Variants in KCNAB1 observed in about 807,000 individuals in gnomAD.
KCNAB1 encodes voltage-gated potassium channel subunit beta-1.
In KCNAB1, 35 loss-of-function variants were observed where a neutral mutation model predicts 64.6. The observed-to-expected ratio is 0.54, with a 90% CI of 0.41 to 0.72. The LOEUF (loss-of-function observed/expected upper bound fraction) is 0.72. Among genes scored for constraint, KCNAB1 ranks in the 30% least tolerant of loss-of-function variants. The probability of loss-of-function intolerance (pLI) is 0.00; values close to 1 mark genes in which losing one functional copy is unlikely to be tolerated. For missense variants in KCNAB1, 401 were observed against 512.9 expected (o/e 0.78, Z 2.11); for synonymous variants, 177 against 183.8 (o/e 0.96, Z 0.30).
intron 8 of KCNAB1, among the ~76,000 whole-genome samples, chr3:156,494,373 T>C (rs1395162865): frequency 6.6e-6 from 1 of 152,124 alleles, no homozygotes; most frequent in Non-Finnish European, 1.5e-5. Context: ...GGGCTGCCAG[T>C]GTTTCCCTAG....
intron 1 of KCNAB1, among the ~76,000 whole-genome samples, chr3:156,357,159 G>GCACACACACACACA (rs112441885): frequency 1.4e-5 from 2 of 147,314 alleles, no homozygotes; most frequent in African/African-American, 5.0e-5. Flanking sequence ...ACATGTGCGC[G>GCACACACACACACA]CACACACACA....
intron 2 of KCNAB1, among the ~76,000 whole-genome samples, chr3:156,428,488 T>TATACAC: frequency 7.8e-6 from 1 of 127,486 alleles, no homozygotes; most frequent in East Asian, 2.2e-4. Context: ...AATTCCTCTA[T>TATACAC]ACACACACAC....
chr3:156,299,641 A>G (rs1350492254), intron 1 of KCNAB1, among the ~76,000 whole-genome samples: 1 of 152,032 alleles, frequency 6.6e-6, no homozygotes, highest in Non-Finnish European at 1.5e-5. Context: ...TCGAAATCAA[A>G]CACATTTAAA....
chr3:156,426,721 A>G (rs958045431), intron 2 of KCNAB1, among the ~76,000 whole-genome samples: 2 of 152,210 alleles, frequency 1.3e-5, no homozygotes, highest in African/African-American at 4.8e-5. Context: ...TAGTTGAATC[A>G]TATAGTATGT....
intron 8 of KCNAB1, among the ~76,000 whole-genome samples, chr3:156,498,891 G>A (rs1716190802): frequency 6.6e-6 from 1 of 152,200 alleles, no homozygotes; most frequent in Non-Finnish European, 1.5e-5. Context: ...CAGGGGATAA[G>A]CATGGCTTTT....
Position 156,370,881 on chromosome 3 carries a change from C to T in KCNAB1, c.276-50735C>T, listed in dbSNP as rs565635978. Reference sequence around the variant, plus strand: ...CTTACACATGGAAACGATCCAGTGGCGGCAGGCGGCACAGGAAAACTGCAA... The same window carrying T: ...CTTACACATGGAAACGATCCAGTGGTGGCAGGCGGCACAGGAAAACTGCAA... On this transcript the variant is annotated intron_variant, in intron 1 of 13. Transcript: ENST00000490337. Among the ~76,000 whole-genome samples, 11 of 152,292 alleles carry T rather than the reference C, an allele frequency of 7.2e-5. No homozygotes were observed. The South Asian group carries it at 1.0e-3, about 14-fold the overall frequency.
intron 1 of KCNAB1, among the ~76,000 whole-genome samples, chr3:156,318,572 T>G (rs1269520447): frequency 6.6e-6 from 1 of 152,174 alleles, no homozygotes; most frequent in East Asian, 1.9e-4. Flanking sequence ...TCTGTTTGTT[T>G]GTAAGTGTGA....
intron 1 of KCNAB1, among the ~76,000 whole-genome samples, chr3:156,374,801 G>A (rs73873344): frequency 0.042 from 5,689 of 134,898 alleles, 1,923 homozygotes; most frequent in African/African-American, 0.18. Context: ...TAGGAAAGTA[G>A]GTATTAACAA....
chr3:156,365,721 G>C (rs901077326), intron 1 of KCNAB1, among the ~76,000 whole-genome samples: 16 of 152,078 alleles, frequency 1.1e-4, no homozygotes, highest in African/African-American at 3.6e-4. Flanking sequence ...TTGAATTTTT[G>C]CTTGCTATTG....
At position 156,145,789 on chromosome 3, in the gene KCNAB1, G is replaced by A. The variant is rs544392471; in HGVS notation, c.275+24903G>A. Among the ~76,000 whole-genome samples, 13 of 152,276 alleles carry A rather than the reference G, an allele frequency of 8.5e-5. No homozygotes were observed. The East Asian group carries it at 1.5e-3, about 18-fold the overall frequency. On this transcript the variant is annotated intron_variant, in intron 1 of 13. Transcript: ENST00000490337. ...GTCTAATACAGTAGGTGCTCACTGG[G>A]AATGGAGGTTTTCTTCCCACTTACT...
chr3:156,164,925 A>T (rs927177415), intron 1 of KCNAB1, among the ~76,000 whole-genome samples: 2 of 152,222 alleles, frequency 1.3e-5, no homozygotes, highest in African/African-American at 4.8e-5. Flanking sequence ...ACTGCTGTTT[A>T]CATTTTTGTT....
At chr3:156,386,067 G>A (rs1712564641) in intron 1 of KCNAB1, among the ~76,000 whole-genome samples, 1 of 152,152 alleles carries the variant, frequency 6.6e-6, no homozygotes. Flanking sequence ...CTCAATTCTT[G>A]CCTCCTCAGA....
chr3:156,518,548 G>A (rs1717716253), intron 11 of KCNAB1, among the ~76,000 whole-genome samples: 1 of 151,962 alleles, frequency 6.6e-6, no homozygotes, highest in African/African-American at 2.4e-5. Flanking sequence ...TAAATAAATT[G>A]GTAACGTTCA....
intron 13 of KCNAB1, 82 bp downstream of exon 13, chr3:156,531,579 C>T (rs556893817): frequency 1.6e-5 from 16 of 1,020,844 alleles, no homozygotes; most frequent in Non-Finnish European, 2.5e-5. Flanking sequence ...CATCTCTCCC[C>T]CTCTCTGTCC....
chr3:156,272,200 T>G (rs1719076800), intron 1 of KCNAB1, among the ~76,000 whole-genome samples: 1 of 152,218 alleles, frequency 6.6e-6, no homozygotes, highest in Admixed American at 6.5e-5. Flanking sequence ...CTGTAATCAC[T>G]AACTGGCTAT....
intron 1 of KCNAB1, among the ~76,000 whole-genome samples, chr3:156,406,230 G>A (rs963750093): frequency 1.3e-5 from 2 of 152,158 alleles, no homozygotes; most frequent in African/African-American, 4.8e-5. Context: ...CTTCTAATGA[G>A]CATTACCTCA....
intron 13 of KCNAB1, among the ~76,000 whole-genome samples, chr3:156,533,916 G>A (rs537282104): frequency 1.3e-5 from 2 of 152,294 alleles, no homozygotes. Flanking sequence ...TGACAGGGAA[G>A]GGGACACATT....
chr3:156,259,945 A>C (rs1718330426), intron 1 of KCNAB1, among the ~76,000 whole-genome samples: 1 of 152,186 alleles, frequency 6.6e-6, no homozygotes, highest in African/African-American at 2.4e-5. Flanking sequence ...TGTTATGCCC[A>C]ACGGGGAACG....
chr3:156,488,084 G>A, intron 8 of KCNAB1, among the ~76,000 whole-genome samples: 1 of 152,002 alleles, frequency 6.6e-6, no homozygotes, highest in Non-Finnish European at 1.5e-5. Context: ...AAACACTCAG[G>A]TGCAAAACCT....
Sources: gnomAD v4.1 joint callset for allele counts (sites outside exome capture counted in the v4.1 genomes callset) on GRCh38, gnomAD v4.1.1 for gene constraint, MANE v1.5 for transcripts, NCBI Gene and HGNC (gene_info 2026-07-23, HGNC 2026-07-21) for gene names.